Variants in SLC44A1 observed in about 807,000 individuals in gnomAD.
The protein encoded by SLC44A1 is solute carrier family 44 member 1, also known as choline transporter-like protein 1.
In SLC44A1, 26 loss-of-function variants were observed where a neutral mutation model predicts 79.3. The observed-to-expected ratio is 0.33, with a 90% CI of 0.24 to 0.46. SLC44A1 has a LOEUF of 0.46. Ranked by LOEUF, SLC44A1 falls within the 20% of genes least tolerant of loss-of-function variation. SLC44A1 has a pLI of 1.00. For missense variants in SLC44A1, 688 were observed against 798.1 expected (o/e 0.86, Z 1.66); for synonymous variants, 263 against 286.2 (o/e 0.92, Z 0.82).
At chr9:105,255,465 G>T (rs762351899) in intron 1 of SLC44A1, among the ~76,000 whole-genome samples, 1 of 152,172 alleles carries the variant, frequency 6.6e-6, no homozygotes, top group African/African-American at 2.4e-5. Flanking sequence ...AATGCTATAT[G>T]TAAGAATCTT....
chr9:105,428,511 T>G (rs577312584), intron 15 of SLC44A1, among the ~76,000 whole-genome samples: 3 of 152,342 alleles, frequency 2.0e-5, no homozygotes, highest in Non-Finnish European at 4.4e-5. Context: ...CTCTGCCATC[T>G]TTTTGGTCCT....
intron 11 of SLC44A1, among the ~76,000 whole-genome samples, 197 bp from the exon 12 acceptor site, chr9:105,366,149 G>T (rs1472550813): frequency 6.6e-6 from 1 of 152,054 alleles, no homozygotes; most frequent in African/African-American, 2.4e-5. Context: ...ATGCAGTAGA[G>T]ACTAAATAAA....
chr9:105,391,088 A>G lies in SLC44A1; in HGVS notation c.*2032A>G. ...AAATTTAGAATTGGCAAAAGTCTAG[A>G]AGATGGGTATCAAAACAGAAGACAT... On this transcript the variant is annotated 3_prime_UTR_variant, in exon 16 of 16. Coordinates refer to ENST00000374720, the MANE Select transcript of SLC44A1 (RefSeq NM_080546.5). The G allele has an allele frequency of 2.0e-6, 2 of 985,870 alleles. No homozygotes were observed. Among genetic ancestry groups the G allele is most frequent in the Non-Finnish European group, 2.4e-6 (2 of 829,934 alleles). The allele number at this position is 985,870 out of a possible 1,614,324, so 61.1% of individuals were successfully genotyped here. A position where few individuals can be genotyped will look rare whatever the true frequency, so the allele number is the denominator to read the frequency against.
chr9:105,417,875 G>A (rs947399531), intron 15 of SLC44A1, among the ~76,000 whole-genome samples: 33 of 150,850 alleles, frequency 2.2e-4, no homozygotes, highest in African/African-American at 8.1e-4. Context: ...TAATTAGCCA[G>A]GTATGGTGGC....
rs1298554133 is a variant in SLC44A1 at position 105,322,221 on chromosome 9, CAT to C, written c.269+12358_269+12359del. Reference sequence around the variant, plus strand: ...CTGGTTTTGAAGGCAGGAAGGGAAACATATGGGTTTCACCATGGGTTGGATAT... The same window carrying C: ...CTGGTTTTGAAGGCAGGAAGGGAAACATGGGTTTCACCATGGGTTGGATAT... On this transcript the variant is annotated intron_variant, in intron 3 of 15. Transcript: ENST00000374720. Among the ~76,000 whole-genome samples the C allele has an allele frequency of 7.9e-5, 12 of 152,308 alleles. No homozygotes were observed. In the East Asian group the frequency reaches 1.5e-3, roughly 20 times the overall value.
intron 3 of SLC44A1, among the ~76,000 whole-genome samples, chr9:105,314,672 A>G (rs1179662649): frequency 6.6e-6 from 1 of 152,208 alleles, no homozygotes; most frequent in Non-Finnish European, 1.5e-5. Flanking sequence ...GATAATCTGT[A>G]TTAACAGGTT....
At chr9:105,293,854 G>A (rs1830658667) in intron 1 of SLC44A1, among the ~76,000 whole-genome samples, 1 of 152,124 alleles carries the variant, frequency 6.6e-6, no homozygotes, top group African/African-American at 2.4e-5. Flanking sequence ...TCACCAGAAG[G>A]CCTTGGGTTT....
intron 15 of SLC44A1, among the ~76,000 whole-genome samples, chr9:105,427,993 A>G (rs939510248): frequency 6.6e-6 from 1 of 151,946 alleles, no homozygotes; most frequent in African/African-American, 2.4e-5. Flanking sequence ...AGATGTCACC[A>G]TTTTTCCTAC....
intron 1 of SLC44A1, chr9:105,294,935 CCTGT>C (rs1318646621): frequency 7.2e-6 from 1 of 139,528 alleles, no homozygotes; most frequent in Non-Finnish European, 1.5e-5. Flanking sequence ...TTTCTGTTAA[CCTGT>C]CTTTGAGTAT....
At chr9:105,252,258 C>G (rs1240312812) in intron 1 of SLC44A1, among the ~76,000 whole-genome samples, 2 of 152,208 alleles carry the variant, frequency 1.3e-5, no homozygotes, top group Admixed American at 1.3e-4. Context: ...GACCCTTGCT[C>G]TAGGCTGAGT....
rs1015812963 is a variant in SLC44A1, at chr9:105,261,819, G to A, written c.36+16915G>A. ...TTTTGAGAGGGAGTCTCACTTTGTC[G>A]CTCAGGCTGGAGTGCAATGGCACGA... On this transcript the variant is annotated intron_variant, in intron 1 of 15. Coordinates refer to ENST00000374720, the MANE Select transcript of SLC44A1 (RefSeq NM_080546.5). 4.5e-5 allele frequency among the ~76,000 whole-genome samples: 6 copies of A among 132,800 alleles called. 1 individual carries two copies. The highest frequency in any genetic ancestry group is 6.1e-5 in the Non-Finnish European group (4 of 65,564). The allele number at this position is 132,800 out of a possible 152,430, so 87.1% of individuals were successfully genotyped here.
intron 1 of SLC44A1, among the ~76,000 whole-genome samples, chr9:105,247,564 T>G (rs1373572385): frequency 6.6e-6 from 1 of 152,236 alleles, no homozygotes; most frequent in Non-Finnish European, 1.5e-5. Context: ...CCCAAAGTGC[T>G]GGTATTACAG....
chr9:105,424,067 T>A lies in SLC44A1; in HGVS notation c.1951-14214T>A, dbSNP rs189971527. 8.4e-3 allele frequency among the ~76,000 whole-genome samples: 1,274 copies of A among 152,320 alleles called. 8 individuals carry two copies. Among genetic ancestry groups the A allele is most frequent in the Middle Eastern group, 0.014 (4 of 294 alleles). On this transcript the variant is annotated intron_variant, in intron 15 of 15. Transcript: ENST00000374724. ...CATAAAACACATATGTACAGTATTGTACTTTATGGATGATTTAAGAGATTT... is the reference window on the plus strand; with the variant it reads ...CATAAAACACATATGTACAGTATTGAACTTTATGGATGATTTAAGAGATTT...
intron 1 of SLC44A1, among the ~76,000 whole-genome samples, chr9:105,263,470 A>T (rs1230278853): frequency 2.0e-5 from 3 of 151,164 alleles, no homozygotes; most frequent in African/African-American, 4.9e-5. Context: ...CCACTTCTTT[A>T]CTTTACTTTT....
downstream of SLC44A1, among the ~76,000 whole-genome samples, chr9:105,400,580 C>T (rs564853877): frequency 6.6e-6 from 1 of 152,188 alleles, no homozygotes; most frequent in African/African-American, 2.4e-5. Flanking sequence ...TTCTTTCTGA[C>T]TCCTGACTCT....
At chr9:105,370,794 T>TA (rs1301111388) in intron 12 of SLC44A1, among the ~76,000 whole-genome samples, 2 of 152,162 alleles carry the variant, frequency 1.3e-5, no homozygotes, top group African/African-American at 4.8e-5. Context: ...GCAGAACACT[T>TA]TAGTTAAGAG....
chr9:105,394,935 G>A lies in SLC44A1; in HGVS notation c.*5879G>A. 7.1e-6 allele frequency: 7 copies of A among 985,410 alleles called. No homozygotes were observed. The highest frequency in any genetic ancestry group is 8.4e-6 in the Non-Finnish European group (7 of 829,938). The allele number at this position is 985,410 out of a possible 1,614,324, so 61.0% of individuals were successfully genotyped here. The stretch of plus-strand genomic sequence containing the variant: ...TACCTACTCTATCTTCTTTAGGGAA[G>A]CATGTGGATTTCTTCACATCTGCAC... On this transcript the variant is annotated 3_prime_UTR_variant, in exon 16 of 16. Transcript: ENST00000374720.
chr9:105,400,884 AT>A (rs1183436039), downstream of SLC44A1, among the ~76,000 whole-genome samples: 2 of 152,232 alleles, frequency 1.3e-5, no homozygotes, highest in Non-Finnish European at 2.9e-5. Context: ...TACTCTTTTC[AT>A]ATTCATTGTT....
chr9:105,314,661 A>G (rs1473538910), intron 3 of SLC44A1, among the ~76,000 whole-genome samples: 1 of 152,206 alleles, frequency 6.6e-6, no homozygotes, highest in Non-Finnish European at 1.5e-5. Context: ...CTCCAATGTC[A>G]GATAATCTGT....
Sources: gnomAD v4.1 joint callset for allele counts (sites outside exome capture counted in the v4.1 genomes callset) on GRCh38, gnomAD v4.1.1 for gene constraint, MANE v1.5 for transcripts, NCBI Gene and HGNC (gene_info 2026-07-23, HGNC 2026-07-21) for gene names.